Variants in MRPS5 observed in about 807,000 individuals in gnomAD.
MRPS5 encodes the protein mitochondrial ribosomal protein S5, also known as small ribosomal subunit protein uS5m.
A neutral mutation model predicts 51.9 loss-of-function variants in MRPS5; 27 were observed. The ratio of observed to expected loss-of-function variants is 0.52; its 90% CI spans 0.38 to 0.72. The LOEUF (loss-of-function observed/expected upper bound fraction) is 0.72. MRPS5 is among the 30% of genes least tolerant of loss of function. The pLI is 0.00. For synonymous variants in MRPS5, 196 were observed against 193.2 expected (o/e 1.01, Z -0.12); for missense variants, 570 against 545.7 (o/e 1.04, Z -0.44).
intron 3 of MRPS5, among the ~76,000 whole-genome samples, chr2:95,114,455 T>C (rs1676223693): frequency 6.6e-6 from 1 of 152,034 alleles, no homozygotes; most frequent in African/African-American, 2.4e-5. Flanking sequence ...GTATTTTTAG[T>C]AGAGACAGGG....
At chr2:95,121,696 C>T in intron 1 of MRPS5, 38 bp downstream of exon 1, 1 of 1,524,564 alleles carries the variant, frequency 6.6e-7, no homozygotes, top group Non-Finnish European at 8.8e-7. Flanking sequence ...CACTCCCGGC[C>T]CGCTCAGAGC....
Position 95,087,337 on chromosome 2 carries a change from G to A in MRPS5, c.*20C>T. 6.2e-7 allele frequency: 1 copy of A among 1,606,788 alleles called. No individual in the cohort carries two copies. The highest frequency in any genetic ancestry group is 8.5e-7 in the Non-Finnish European group (1 of 1,173,516). On this transcript the variant is annotated 3_prime_UTR_variant, in exon 12 of 12. Transcript: ENST00000272418. ...TAGGTGCAGGGCAGCACAGGAACTGGCTGCACAAGGCCAGAGAGGTTACGT... is the reference window on the plus strand; with the variant it reads ...TAGGTGCAGGGCAGCACAGGAACTGACTGCACAAGGCCAGAGAGGTTACGT...
At position 95,086,113 on chromosome 2, in the gene MRPS5, T is replaced by C. The variant is rs1480961551; in HGVS notation, c.*1244A>G. Among the ~76,000 whole-genome samples, 3 of 152,092 alleles carry C rather than the reference T, an allele frequency of 2.0e-5. No individual in the cohort carries two copies. Among genetic ancestry groups the C allele is most frequent in the Non-Finnish European group, 4.4e-5 (3 of 68,012 alleles). ...ACTTTTACTTTTTGTAGAGATGAGG[T>C]CTCACTTTGTTGCCTAGGCTGATCT... On this transcript the variant is annotated 3_prime_UTR_variant, in exon 12 of 12. Transcript: ENST00000272418.
intron 6 of MRPS5, among the ~76,000 whole-genome samples, chr2:95,105,152 T>C (rs1238414390): frequency 6.6e-6 from 1 of 152,216 alleles, no homozygotes; most frequent in Non-Finnish European, 1.5e-5. Flanking sequence ...GAAATTATGA[T>C]ATGCAGTATA....
intron 3 of MRPS5, among the ~76,000 whole-genome samples, chr2:95,114,113 C>T (rs1373105647): frequency 9.7e-6 from 1 of 103,238 alleles, no homozygotes; most frequent in East Asian, 3.3e-4. Flanking sequence ...AGCGAGACTC[C>T]ATCTCCCAAA....
chr2:95,108,029 A>G, intron 5 of MRPS5, 146 bp downstream of exon 5: 1 of 672,716 alleles, frequency 1.5e-6, no homozygotes, highest in Non-Finnish European at 2.6e-6. Flanking sequence ...CAGTTGGGAT[A>G]TTGATGTGAT....
intron 10 of MRPS5, among the ~76,000 whole-genome samples, chr2:95,094,888 C>T (rs1350286691): frequency 6.6e-6 from 1 of 152,142 alleles, no homozygotes; most frequent in Non-Finnish European, 1.5e-5. Context: ...CAATATTAAC[C>T]TTAAATGTAA....
chr2:95,116,347 T>C (rs1676285489), intron 2 of MRPS5, among the ~76,000 whole-genome samples: 1 of 152,034 alleles, frequency 6.6e-6, no homozygotes, highest in Middle Eastern at 3.2e-3. Flanking sequence ...TGATATACTT[T>C]AAAAAGTGTA....
rs769971442 is a variant in MRPS5, at chr2:95,085,467, A to G, written c.*1890T>C. Among the ~76,000 whole-genome samples the G allele has an allele frequency of 3.3e-5, 5 of 152,222 alleles. No homozygotes were observed. The highest frequency in any genetic ancestry group is 5.9e-5 in the Non-Finnish European group (4 of 68,034). The stretch of plus-strand genomic sequence containing the variant: ...TTAAGAAGGAAAACTAACAGGACAG[A>G]TAAGTTTTAGGAAATAACTACCTTA... On this transcript the variant is annotated 3_prime_UTR_variant, in exon 12 of 12. Coordinates refer to ENST00000272418, the MANE Select transcript of MRPS5 (RefSeq NM_031902.5).
At chr2:95,102,050 C>G (rs1358830671) in intron 7 of MRPS5, 1 of 213,896 alleles carries the variant, frequency 4.7e-6, no homozygotes, top group East Asian at 1.2e-4. Flanking sequence ...GTCCCAACTA[C>G]TCAGGAGGCT....
intron 1 of MRPS5, among the ~76,000 whole-genome samples, chr2:95,119,858 T>A (rs1676389725): frequency 6.6e-6 from 1 of 151,886 alleles, no homozygotes; most frequent in Non-Finnish European, 1.5e-5. Context: ...CACCCAGGAG[T>A]TAGAGACCAG....
At position 95,101,516 on chromosome 2, in the gene MRPS5, G is replaced by C. The variant is rs577428396; in HGVS notation, c.810+161C>G. Among the ~76,000 whole-genome samples, 13 of 152,154 alleles carry C rather than the reference G, an allele frequency of 8.5e-5. No individual in the cohort carries two copies. In the South Asian group the frequency reaches 2.7e-3, roughly 32 times the overall value. Reference sequence around the variant, plus strand: ...TAAAAAATGGTGCAAAGGAATATAAGTACTTCTGAAACTGATTTTTATGAG... The same window carrying C: ...TAAAAAATGGTGCAAAGGAATATAACTACTTCTGAAACTGATTTTTATGAG... On this transcript the variant is annotated intron_variant, in intron 8 of 11. Coordinates refer to ENST00000272418, the MANE Select transcript of MRPS5 (RefSeq NM_031902.5).
intron 3 of MRPS5, 47 bp downstream of exon 3, chr2:95,115,019 C>G (rs1676243557): frequency 6.9e-7 from 1 of 1,450,342 alleles, no homozygotes; most frequent in African/African-American, 1.4e-5. Flanking sequence ...TATAAGAAAT[C>G]CTTTTCCTGT....
At chr2:95,094,447 T>C (rs532191641) in intron 10 of MRPS5, among the ~76,000 whole-genome samples, 6 of 152,040 alleles carry the variant, frequency 3.9e-5, no homozygotes, top group East Asian at 3.9e-4. Flanking sequence ...TTCACCAAGG[T>C]TGAAATGAAG....
intron 4 of MRPS5, among the ~76,000 whole-genome samples, 192 bp from the exon 5 acceptor site, chr2:95,108,600 A>T (rs1676022651): frequency 6.6e-6 from 1 of 152,134 alleles, no homozygotes; most frequent in East Asian, 1.9e-4. Context: ...CTAGAGAAAC[A>T]CTCACATACA....
rs143155041 is a variant in MRPS5, at chr2:95,089,482, G to A, written c.1068+904C>T. ...TTCAAGAGACAGGCCAGCCCTCCTG[G>A]GCAGGTAGGGGAGCTGCCCAAGAAT... On this transcript the variant is annotated intron_variant, in intron 11 of 11. Transcript: ENST00000272418. Among the ~76,000 whole-genome samples the A allele has an allele frequency of 4.8e-3, 735 of 152,300 alleles. 3 individuals are homozygous for A. The highest frequency in any genetic ancestry group is 0.031 in the Middle Eastern group (9 of 294).
intron 8 of MRPS5, 67 bp downstream of exon 8, chr2:95,101,610 C>T (rs920268488): frequency 1.6e-6 from 2 of 1,245,130 alleles, no homozygotes; most frequent in Admixed American, 2.5e-5. Context: ...TTGTGGTTCC[C>T]ACTGTGTCTG....
At position 95,121,776 on chromosome 2, in the gene MRPS5, G is replaced by C; in HGVS notation, c.16C>G (p.Arg6Gly). MATAVRAVGCLPVLCS... is the reference protein window; with the variant it reads MATAVGAVGCLPVLCS... ...AGCACGGGGAGGCAGCCCACAGCGCGCACCGCGGTCGCCATGCTGGAGTCC... is the reference window on the plus strand; with the variant it reads ...AGCACGGGGAGGCAGCCCACAGCGCCCACCGCGGTCGCCATGCTGGAGTCC... Residue 6 changes from arginine (R) to glycine (G), a missense_variant, in exon 1 of 12, where the codon CGC becomes GGC. By Grantham distance (125) the Arg-to-Gly change is moderately radical. Coordinates refer to ENST00000272418, the MANE Select transcript of MRPS5 (RefSeq NM_031902.5). The C allele has an allele frequency of 6.4e-7, 1 of 1,551,776 alleles. No homozygotes were observed. The highest frequency in any genetic ancestry group is 8.6e-7 in the Non-Finnish European group (1 of 1,158,236).
intron 6 of MRPS5, among the ~76,000 whole-genome samples, chr2:95,105,747 G>A (rs1477207121): frequency 6.6e-6 from 1 of 152,156 alleles, no homozygotes; most frequent in Non-Finnish European, 1.5e-5. Flanking sequence ...AGCTGTAAGT[G>A]GGAATACCAA....
Sources: gnomAD v4.1 joint callset for allele counts (sites outside exome capture counted in the v4.1 genomes callset) on GRCh38, gnomAD v4.1.1 for gene constraint, MANE v1.5 for transcripts, NCBI Gene and HGNC (gene_info 2026-07-23, HGNC 2026-07-21) for gene names.